Variants in BBS9 observed in about 807,000 individuals in gnomAD.
The protein encoded by BBS9 is protein PTHB1.
BBS9 carries 89 observed loss-of-function variants against 117.7 expected under a neutral mutation model. The ratio of observed to expected loss-of-function variants is 0.76; its 90% CI spans 0.64 to 0.90. The LOEUF (loss-of-function observed/expected upper bound fraction) is 0.90, where lower values mean the gene tolerates loss of function less well. Among genes scored for constraint, BBS9 ranks in the 40% least tolerant of loss-of-function variants. The pLI is 0.00. For synonymous variants in BBS9, 379 were observed against 370.9 expected (o/e 1.02, Z -0.25); for missense variants, 982 against 1,042.2 (o/e 0.94, Z 0.80).
At chr7:33,629,608 A>T (rs1264043299) in intron 21 of BBS9, among the ~76,000 whole-genome samples, 1 of 152,164 alleles carries the variant, frequency 6.6e-6, no homozygotes, top group African/African-American at 2.4e-5. Context: ...CTCGTTTGGT[A>T]TGATGCTTGA....
intron 9 of BBS9, among the ~76,000 whole-genome samples, chr7:33,316,746 A>C (rs982392407): frequency 2.0e-5 from 3 of 151,874 alleles, no homozygotes; most frequent in African/African-American, 7.3e-5. Flanking sequence ...TTTGGTTGTT[A>C]TAGTAGTTCT....
chr7:33,394,086 G>T (rs543776205), intron 19 of BBS9, among the ~76,000 whole-genome samples: 1 of 152,194 alleles, frequency 6.6e-6, no homozygotes, highest in Non-Finnish European at 1.5e-5. Context: ...TTGAAGCAAG[G>T]AGAGGGGACC....
chr7:33,536,881 T>C (rs1387308343), intron 21 of BBS9, among the ~76,000 whole-genome samples: 1 of 151,836 alleles, frequency 6.6e-6, no homozygotes, highest in Non-Finnish European at 1.5e-5. Flanking sequence ...GTATTTCTTA[T>C]TAAGAAATAC....
chr7:33,398,912 A>G (rs1828459427), intron 19 of BBS9, among the ~76,000 whole-genome samples: 1 of 152,142 alleles, frequency 6.6e-6, no homozygotes, highest in South Asian at 2.1e-4. Flanking sequence ...TCACAAACTC[A>G]TGTGACCCAT....
At chr7:33,344,536 A>G in intron 11 of BBS9, 45 bp from the exon 12 acceptor site, 1 of 1,568,726 alleles carries the variant, frequency 6.4e-7, no homozygotes, top group Non-Finnish European at 8.8e-7. Context: ...CTGCTGTGTA[A>G]TATTGACATC....
intron 5 of BBS9, among the ~76,000 whole-genome samples, chr7:33,238,352 G>A (rs560222629): frequency 6.6e-5 from 10 of 151,810 alleles, no homozygotes; most frequent in Non-Finnish European, 1.0e-4. Flanking sequence ...GTGCAATGGC[G>A]CGATCTTAGC....
At chr7:33,531,980 G>A (rs1307160932) in intron 20 of BBS9, among the ~76,000 whole-genome samples, 1 of 152,198 alleles carries the variant, frequency 6.6e-6, no homozygotes, top group Non-Finnish European at 1.5e-5. Context: ...CATATTTCTT[G>A]ACCATCCTCT....
chr7:33,511,136 G>A (rs948058630), intron 20 of BBS9, among the ~76,000 whole-genome samples: 16 of 152,066 alleles, frequency 1.1e-4, no homozygotes, highest in Non-Finnish European at 7.4e-5. Context: ...GAGCCTGCAC[G>A]TGGTCTCAGA....
intron 21 of BBS9, among the ~76,000 whole-genome samples, chr7:33,632,120 G>T (rs566667087): frequency 1.3e-5 from 2 of 152,258 alleles, no homozygotes; most frequent in South Asian, 4.1e-4. Context: ...TAAGGAGAAC[G>T]GGGTAGGTGC....
Position 33,534,081 on chromosome 7 carries a change from A to G in BBS9, c.2426A>G (p.Lys809Arg), listed in dbSNP as rs758013591. ...LNIPKDTSQL[K>R]KHITLLCDRL... is the part of the protein sequence containing the mutation. The stretch of plus-strand genomic sequence containing the variant: ...ATACCCAAAGACACAAGCCAACTGA[A>G]GAAACATATCACCTTGCTCTGCGAT... Residue 809 changes from lysine (K) to arginine (R), a missense_variant, in exon 21 of 23, where the codon AAG becomes AGG. Physicochemically the swap from Lys to Arg is conservative, Grantham distance 26 (BLOSUM62 2). Coordinates refer to ENST00000242067, the MANE Select transcript of BBS9 (RefSeq NM_198428.3). 3 of 1,614,228 alleles carry G rather than the reference A, an allele frequency of 1.9e-6. No homozygotes were observed. The highest frequency in any genetic ancestry group is 2.5e-6 in the Non-Finnish European group (3 of 1,180,030).
At chr7:33,272,586 C>T (rs1219381346) in intron 7 of BBS9, among the ~76,000 whole-genome samples, 2 of 152,060 alleles carry the variant, frequency 1.3e-5, no homozygotes, top group African/African-American at 2.4e-5. Context: ...GAATATTCTG[C>T]TATACTCTCT....
At chr7:33,301,655 A>C (rs1383519216) in intron 9 of BBS9, among the ~76,000 whole-genome samples, 1 of 152,000 alleles carries the variant, frequency 6.6e-6, no homozygotes, top group Non-Finnish European at 1.5e-5. Flanking sequence ...TAGGTACCAC[A>C]TTTTCTTTAT....
chr7:33,503,720 T>C (rs1266243301), intron 19 of BBS9, among the ~76,000 whole-genome samples: 1 of 151,424 alleles, frequency 6.6e-6, no homozygotes, highest in Admixed American at 6.6e-5. Flanking sequence ...GGCCCCACAA[T>C]GAGGCTTAAT....
chr7:33,425,902 G>A (rs1172931084), intron 19 of BBS9, among the ~76,000 whole-genome samples: 1 of 152,158 alleles, frequency 6.6e-6, no homozygotes, highest in Non-Finnish European at 1.5e-5. Context: ...ACAAACTAAA[G>A]TAAGCACAAA....
chr7:33,277,326 C>T (rs1800956805), intron 9 of BBS9, among the ~76,000 whole-genome samples: 1 of 152,034 alleles, frequency 6.6e-6, no homozygotes, highest in African/African-American at 2.4e-5. Flanking sequence ...TAAGAAGAGC[C>T]CCATATTTTT....
chr7:33,541,586 T>C (rs1852311179), intron 21 of BBS9, among the ~76,000 whole-genome samples: 1 of 152,244 alleles, frequency 6.6e-6, no homozygotes, highest in Non-Finnish European at 1.5e-5. Context: ...ACAAATGTGG[T>C]ATATCCATAC....
chr7:33,305,680 C>G (rs1807751736), intron 9 of BBS9, among the ~76,000 whole-genome samples: 1 of 152,058 alleles, frequency 6.6e-6, no homozygotes. Flanking sequence ...TCTAGATTTT[C>G]TATTTATTGG....
At chr7:33,493,445 A>G (rs1844295971) in intron 19 of BBS9, among the ~76,000 whole-genome samples, 1 of 152,230 alleles carries the variant, frequency 6.6e-6, no homozygotes. Context: ...GATAGCCATC[A>G]AAAAGCTTGA....
At chr7:33,335,814 A>G (rs898130784) in intron 9 of BBS9, among the ~76,000 whole-genome samples, 1 of 152,180 alleles carries the variant, frequency 6.6e-6, no homozygotes, top group Non-Finnish European at 1.5e-5. Context: ...AACAAACCAG[A>G]GGGCCACTTG....
Sources: gnomAD v4.1 joint callset for allele counts (sites outside exome capture counted in the v4.1 genomes callset) on GRCh38, gnomAD v4.1.1 for gene constraint, MANE v1.5 for transcripts, NCBI Gene and HGNC (gene_info 2026-07-23, HGNC 2026-07-21) for gene names.